The following UBE3C variants were observed in gnomAD, a reference collection of about 807,000 sequenced individuals.
UBE3C encodes the protein ubiquitin protein ligase E3C, also known as ubiquitin-protein ligase E3C.
A neutral mutation model predicts 129.4 loss-of-function variants in UBE3C; 42 were observed. The observed-to-expected ratio is 0.32, with a 90% CI of 0.25 to 0.42. The LOEUF (loss-of-function observed/expected upper bound fraction) is 0.42, where lower values mean the gene tolerates loss of function less well. Ranked by LOEUF, UBE3C falls within the 10% of genes least tolerant of loss-of-function variation. UBE3C has a pLI of 1.00. For synonymous variants in UBE3C, 510 were observed against 492.4 expected (o/e 1.04, Z -0.47); for missense variants, 1,049 against 1,319.1 (o/e 0.80, Z 3.17).
intron 11 of UBE3C, among the ~76,000 whole-genome samples, chr7:157,203,151 A>T (rs1488008490): frequency 6.6e-6 from 1 of 152,192 alleles, no homozygotes; most frequent in Non-Finnish European, 1.5e-5. Flanking sequence ...CATACTAATG[A>T]AAGGGGAATG....
chr7:157,233,969 C>T (rs1157572887), intron 18 of UBE3C, among the ~76,000 whole-genome samples: 1 of 152,200 alleles, frequency 6.6e-6, no homozygotes. Context: ...TTTTCATGTG[C>T]TTCATGACTT....
chr7:157,144,490 A>T (rs191753144), intron 1 of UBE3C, among the ~76,000 whole-genome samples: 1 of 152,238 alleles, frequency 6.6e-6, no homozygotes, highest in Admixed American at 6.5e-5. Flanking sequence ...TAACTTTCAG[A>T]GTCTTCGAGA....
chr7:157,207,246 A>G (rs1809457800), intron 11 of UBE3C, 152 bp from the exon 12 acceptor site: 7 of 1,032,498 alleles, frequency 6.8e-6, no homozygotes, highest in Non-Finnish European at 9.7e-6. Flanking sequence ...CTGCATTGCC[A>G]TGGTGACTTT....
At chr7:157,166,728 G>A (rs10231434) in intron 2 of UBE3C, among the ~76,000 whole-genome samples, 14,965 of 118,070 alleles carry the variant, frequency 0.13, 873 homozygotes, top group African/African-American at 0.23. Context: ...GTGAAACTCC[G>A]TCTCAAAAAA....
At chr7:157,174,553 A>G (rs1162821283) in intron 4 of UBE3C, among the ~76,000 whole-genome samples, 1 of 152,100 alleles carries the variant, frequency 6.6e-6, no homozygotes, top group Non-Finnish European at 1.5e-5. Context: ...CGCAAGTTCA[A>G]GTGATCCTCC....
chr7:157,255,384 C>T (rs1796725849), intron 21 of UBE3C, among the ~76,000 whole-genome samples: 1 of 152,224 alleles, frequency 6.6e-6, no homozygotes, highest in Non-Finnish European at 1.5e-5. Context: ...AAACTCTAAA[C>T]TTACAAAAAA....
intron 21 of UBE3C, among the ~76,000 whole-genome samples, chr7:157,256,003 C>G (rs1293647681): frequency 6.6e-6 from 1 of 152,182 alleles, no homozygotes; most frequent in Non-Finnish European, 1.5e-5. Context: ...TGGCCACGTG[C>G]AAGCCCCTTC....
At chr7:157,147,276 T>C (rs886093969) in intron 1 of UBE3C, among the ~76,000 whole-genome samples, 1 of 152,232 alleles carries the variant, frequency 6.6e-6, no homozygotes, top group Non-Finnish European at 1.5e-5. Flanking sequence ...AAGCGTTTAT[T>C]TTTAAGGGGT....
intron 14 of UBE3C, among the ~76,000 whole-genome samples, chr7:157,220,336 C>T (rs927743708): frequency 1.3e-5 from 2 of 151,798 alleles, no homozygotes; most frequent in African/African-American, 2.4e-5. Flanking sequence ...GAAAAAAAAA[C>T]TAGAAAGTGA....
intron 10 of UBE3C, among the ~76,000 whole-genome samples, chr7:157,197,404 ACTTAT>A (rs1184677401): frequency 6.6e-6 from 1 of 152,110 alleles, no homozygotes; most frequent in Admixed American, 6.6e-5. Flanking sequence ...ACTCAAACAT[ACTTAT>A]CTTAAGGTCT....
intron 4 of UBE3C, among the ~76,000 whole-genome samples, chr7:157,171,468 G>A (rs534292969): frequency 6.6e-6 from 1 of 151,546 alleles, no homozygotes; most frequent in Non-Finnish European, 1.5e-5. Flanking sequence ...AAATGTAATC[G>A]TAGTTCTCTA....
intron 1 of UBE3C, among the ~76,000 whole-genome samples, chr7:157,142,106 T>C (rs111354490): frequency 0.013 from 1,971 of 152,354 alleles, 35 homozygotes; most frequent in African/African-American, 0.045. Context: ...TTTGTGGTTT[T>C]AATTTTGTTT....
At chr7:157,180,252 T>G (rs1808632147) in intron 6 of UBE3C, among the ~76,000 whole-genome samples, 1 of 152,252 alleles carries the variant, frequency 6.6e-6, no homozygotes, top group East Asian at 1.9e-4. Context: ...TTTTAACATT[T>G]GCAACAGAAC....
At chr7:157,153,180 A>G (rs1807805651) in intron 1 of UBE3C, among the ~76,000 whole-genome samples, 1 of 152,180 alleles carries the variant, frequency 6.6e-6, no homozygotes, top group African/African-American at 2.4e-5. Flanking sequence ...CCTGGATGAA[A>G]GAGTGGGACT....
intron 1 of UBE3C, among the ~76,000 whole-genome samples, chr7:157,159,586 A>C (rs1406461483): frequency 6.6e-6 from 1 of 152,240 alleles, no homozygotes; most frequent in Non-Finnish European, 1.5e-5. Flanking sequence ...TACCATTTGC[A>C]GCTGGGTGCG....
chr7:157,239,879 G>T (rs952181998), intron 18 of UBE3C, among the ~76,000 whole-genome samples: 2 of 152,164 alleles, frequency 1.3e-5, no homozygotes, highest in African/African-American at 2.4e-5. Context: ...TGGGGAGCAG[G>T]AGCTCATTCT....
At chr7:157,154,825 T>C (rs1185661468) in intron 1 of UBE3C, among the ~76,000 whole-genome samples, 1 of 152,192 alleles carries the variant, frequency 6.6e-6, no homozygotes, top group African/African-American at 2.4e-5. Flanking sequence ...GACTTTATTT[T>C]TAAAAATGAG....
At chr7:157,180,823 A>G (rs1021968564) in intron 6 of UBE3C, among the ~76,000 whole-genome samples, 1 of 152,204 alleles carries the variant, frequency 6.6e-6, no homozygotes, top group Admixed American at 6.5e-5. Context: ...TTCAGTTCCC[A>G]GATTGTGGTC....
intron 10 of UBE3C, among the ~76,000 whole-genome samples, chr7:157,187,667 C>G (rs370613140): frequency 1.2e-3 from 179 of 152,098 alleles, no homozygotes; most frequent in African/African-American, 4.0e-3. Context: ...GCTCTGCCCC[C>G]CTGGGTTCAT....
Sources: gnomAD v4.1 joint callset for allele counts (sites outside exome capture counted in the v4.1 genomes callset) on GRCh38, gnomAD v4.1.1 for gene constraint, MANE v1.5 for transcripts, NCBI Gene and HGNC (gene_info 2026-07-23, HGNC 2026-07-21) for gene names.